The following AFF4 variants were observed in gnomAD, a reference collection of about 807,000 sequenced individuals.
The protein encoded by AFF4 is AF4/FMR2 family member 4.
AFF4 carries 13 observed loss-of-function variants against 124.8 expected under a neutral mutation model. That is an observed-to-expected ratio of 0.10 (90% CI 0.07 to 0.17). AFF4 has a LOEUF of 0.17. AFF4 is among the 10% of genes least tolerant of loss of function. AFF4 has a pLI of 1.00. For synonymous variants in AFF4, 477 were observed against 496.1 expected (o/e 0.96, Z 0.51); for missense variants, 1,092 against 1,403.8 (o/e 0.78, Z 3.55).
chr5:132,944,286 G>A (rs1409122250), intron 1 of AFF4, among the ~76,000 whole-genome samples: 3 of 151,988 alleles, frequency 2.0e-5, no homozygotes, highest in South Asian at 2.1e-4. Context: ...GCAGTGAGCC[G>A]AGATCGTGCC....
chr5:132,899,193 T>C (rs1193788061), intron 8 of AFF4, 52 bp from the exon 9 acceptor site: 1 of 1,537,540 alleles, frequency 6.5e-7, no homozygotes, highest in Non-Finnish European at 9.0e-7. Context: ...AGTATTCTAT[T>C]TGCTTAGTGT....
chr5:132,928,435 T>C (rs1435183983), intron 4 of AFF4, among the ~76,000 whole-genome samples: 2 of 152,196 alleles, frequency 1.3e-5, no homozygotes. Context: ...TCCTTACTAG[T>C]GATCTTTGTA....
intron 4 of AFF4, among the ~76,000 whole-genome samples, chr5:132,928,556 T>C (rs1376274571): frequency 1.3e-5 from 2 of 152,220 alleles, no homozygotes; most frequent in South Asian, 2.1e-4. Context: ...CTATGGCACA[T>C]GTATTTCCAC....
At chr5:132,935,679 G>A (rs1761407873) in intron 2 of AFF4, among the ~76,000 whole-genome samples, 2 of 151,848 alleles carry the variant, frequency 1.3e-5, no homozygotes, top group Non-Finnish European at 2.9e-5. Flanking sequence ...GCTGAGGCAG[G>A]AGAATCGCTT....
chr5:132,880,595 C>T lies in AFF4; in HGVS notation c.*464G>A. Reference sequence around the variant, plus strand: ...GACGAACCAATTCTTACTCTTAGAACAGCTACCACAAAAAGATATTAGGTA... The same window carrying T: ...GACGAACCAATTCTTACTCTTAGAATAGCTACCACAAAAAGATATTAGGTA... On this transcript the variant is annotated 3_prime_UTR_variant, in exon 21 of 21. Transcript: ENST00000265343. 2.7e-6 allele frequency: 1 copy of T among 367,138 alleles called. No individual in the cohort carries two copies. Among genetic ancestry groups the T allele is most frequent in the Non-Finnish European group, 4.8e-6 (1 of 206,430 alleles). The allele number at this position is 367,138 out of a possible 1,614,324, so 22.7% of individuals were successfully genotyped here. A position where few individuals can be genotyped will look rare whatever the true frequency, so the allele number is the denominator to read the frequency against.
In AFF4 at chr5:132,897,068, G is replaced by C. The variant is rs752818977; in HGVS notation, c.1562C>G (p.Pro521Arg). 5.6e-6 allele frequency: 9 copies of C among 1,614,018 alleles called. No homozygotes were observed. Among genetic ancestry groups the C allele is most frequent in the African/African-American group, 1.3e-5 (1 of 74,922 alleles). ...TGNSYTDTSGPKETSSATPGR... is the reference protein window; with the variant it reads ...TGNSYTDTSGRKETSSATPGR... ...CGGAGTAGCGGAACTCGTTTCTTTA[G>C]GTCCACTTGTATCAGTGTAGCTATT... Residue 521 changes from proline (P) to arginine (R), a missense_variant, in exon 11 of 21, where the codon CCT becomes CGT. Pro to Arg is a moderately radical substitution (Grantham distance 103, BLOSUM62 -2). Coordinates refer to ENST00000265343, the MANE Select transcript of AFF4 (RefSeq NM_014423.4).
intron 7 of AFF4, among the ~76,000 whole-genome samples, chr5:132,901,527 G>A (rs1760551798): frequency 6.6e-6 from 1 of 152,142 alleles, no homozygotes; most frequent in Admixed American, 6.6e-5. Flanking sequence ...TAATCACTGA[G>A]TTAACTTGTG....
At chr5:132,948,553 T>A (rs2150108895) in intron 1 of AFF4, 1 of 153,584 alleles carries the variant, frequency 6.5e-6, no homozygotes, top group African/African-American at 2.4e-5. Context: ...TGTGCCCTAG[T>A]TCGTCACTAA....
chr5:132,901,258 T>A (rs1354339374), intron 7 of AFF4: 6 of 551,550 alleles, frequency 1.1e-5, no homozygotes, highest in Non-Finnish European at 1.4e-5. Flanking sequence ...CCCTGCACGC[T>A]TTTGTTCCCT....
intron 1 of AFF4, among the ~76,000 whole-genome samples, chr5:132,959,267 A>G (rs906038066): frequency 6.6e-6 from 1 of 151,894 alleles, no homozygotes; most frequent in African/African-American, 2.4e-5. Context: ...CTGGGACTAC[A>G]GGCGCCACCA....
chr5:132,931,250 G>A (rs2150096017), intron 4 of AFF4, among the ~76,000 whole-genome samples: 1 of 151,846 alleles, frequency 6.6e-6, no homozygotes, highest in South Asian at 2.1e-4. Context: ...ACAAAGTGGT[G>A]AAACCCCATC....
Position 132,897,110 on chromosome 5 carries a change from C to T in AFF4, c.1520G>A (p.Arg507Gln), listed in dbSNP as rs1312528517. The T allele has an allele frequency of 4.3e-6, 7 of 1,614,180 alleles. No individual in the cohort carries two copies. The highest frequency in any genetic ancestry group is 3.3e-5 in the Admixed American group (2 of 60,020). The change falls in exon 11 of 21, where the codon CGA (arginine) becomes CAA (glutamine). Residue 507 changes from arginine to glutamine, a missense_variant. By Grantham distance (43) the Arg-to-Gln change is conservative. Coordinates refer to ENST00000265343, the MANE Select transcript of AFF4 (RefSeq NM_014423.4). ...PSSQGYKKEG[R>Q]EQGTGNSYTD... ...GTAGCTATTCCCAGTGCCCTGCTCT[C>T]GGCCTTCCTTTTTGTAGCCTTGAGA... is the stretch of plus-strand genomic sequence containing the variant.
At chr5:132,935,069 T>A in intron 2 of AFF4, 128 bp from the exon 3 acceptor site, 1 of 656,602 alleles carries the variant, frequency 1.5e-6, no homozygotes, top group Non-Finnish European at 2.4e-6. Context: ...CCTCATATCT[T>A]AACGTTAATA....
chr5:132,920,944 G>A (rs538224715), intron 5 of AFF4, among the ~76,000 whole-genome samples: 10 of 152,044 alleles, frequency 6.6e-5, no homozygotes, highest in African/African-American at 2.2e-4. Flanking sequence ...TGACTAACAC[G>A]GTGAAATCCC....
chr5:132,957,779 A>G (rs964791300), intron 1 of AFF4, among the ~76,000 whole-genome samples: 2 of 152,116 alleles, frequency 1.3e-5, no homozygotes, highest in African/African-American at 2.4e-5. Flanking sequence ...TACAGAAAAT[A>G]CAAGGGACAA....
Position 132,882,304 on chromosome 5 carries a change from C to T in AFF4, c.3364+1036G>A, listed in dbSNP as rs534406120. 5.3e-5 allele frequency among the ~76,000 whole-genome samples: 8 copies of T among 151,954 alleles called. No homozygotes were observed. In the East Asian group the frequency reaches 1.5e-3, roughly 29 times the overall value. On this transcript the variant is annotated intron_variant, in intron 20 of 20. Coordinates refer to ENST00000265343, the MANE Select transcript of AFF4 (RefSeq NM_014423.4). ...GGAATCTTTCATTTTCATCTGATTACCTGTTCACGCTGTAAGTATTTAAAT... is the reference window on the plus strand; with the variant it reads ...GGAATCTTTCATTTTCATCTGATTATCTGTTCACGCTGTAAGTATTTAAAT...
At chr5:132,929,405 T>C (rs1171300904) in intron 4 of AFF4, among the ~76,000 whole-genome samples, 1 of 152,164 alleles carries the variant, frequency 6.6e-6, no homozygotes, top group Non-Finnish European at 1.5e-5. Flanking sequence ...AAGAAAATCT[T>C]CCACATACTA....
chr5:132,960,772 T>C (rs1464744671), intron 1 of AFF4, among the ~76,000 whole-genome samples: 2 of 152,162 alleles, frequency 1.3e-5, no homozygotes, highest in African/African-American at 2.4e-5. Context: ...TGTAAAATAC[T>C]GAGGAAGATA....
intron 6 of AFF4, 133 bp from the exon 7 acceptor site, chr5:132,902,620 C>A (rs1760579306): frequency 4.3e-6 from 3 of 697,010 alleles, no homozygotes; most frequent in Non-Finnish European, 5.1e-6. Flanking sequence ...CTGGTAACAC[C>A]TTCAAGCCCA....
Sources: gnomAD v4.1 joint callset for allele counts (sites outside exome capture counted in the v4.1 genomes callset) on GRCh38, gnomAD v4.1.1 for gene constraint, MANE v1.5 for transcripts, NCBI Gene and HGNC (gene_info 2026-07-23, HGNC 2026-07-21) for gene names.